The following OR4N2 variants were observed in gnomAD, a reference collection of about 807,000 sequenced individuals.
OR4N2 encodes olfactory receptor family 4 subfamily N member 2, also known as olfactory receptor 4N2.
For synonymous variants in OR4N2, 141 were observed against 140.4 expected, an observed-to-expected ratio of 1.00 and a Z score of -0.03; for missense variants, 307 against 377.6, an observed-to-expected ratio of 0.81 and a Z score of 1.55.
chr14:19,825,166 T>C lies in OR4N2; in HGVS notation c.-9-2274T>C, dbSNP rs189900473. Among the ~76,000 whole-genome samples the C allele has an allele frequency of 2.8e-3, 425 of 152,372 alleles. 1 individual carries two copies. Among genetic ancestry groups the C allele is most frequent in the African/African-American group, 9.7e-3 (403 of 41,574 alleles). On this transcript the variant is annotated intron_variant, in intron 1 of 1. Transcript: ENST00000557677. ...GTATGTATTTGTGTGCATACGTGTG[T>C]GTTCATGTGGTATTTGCATATGTAT...
chr14:19,821,594 C>A (rs74034590), intron 1 of OR4N2, among the ~76,000 whole-genome samples: 1,810 of 152,182 alleles, frequency 0.012, 22 homozygotes, highest in African/African-American at 0.042. Context: ...TCTCAAACTT[C>A]TATTTATTTC....
At position 19,828,227 on chromosome 14, in the gene OR4N2, G is replaced by A. The variant is rs756329406; in HGVS notation, c.779G>A (p.Arg260His). 2.0e-5 allele frequency: 32 copies of A among 1,614,058 alleles called. No individual in the cohort carries two copies. The highest frequency in any genetic ancestry group is 8.9e-5 in the East Asian group (4 of 44,902). ...GGACCTGGCATCTTCATCTACACGC[G>A]CCCCTTCAGGGCTTTCCCAGCTGAC... ...MFGPGIFIYT[R>H]PFRAFPADKV... Residue 260 changes from arginine (R) to histidine (H), a missense_variant, in exon 2 of 2, where the codon CGC becomes CAC. Transcript: ENST00000557677.
At chr14:19,822,504 T>G (rs1879591571) in intron 1 of OR4N2, 1 of 152,266 alleles carries the variant, frequency 6.6e-6, no homozygotes, top group South Asian at 2.1e-4. Flanking sequence ...CTTAGAATTT[T>G]GACAGAAAGT....
chr14:19,819,745 A>C (rs1879516820), intron 1 of OR4N2, among the ~76,000 whole-genome samples: 1 of 152,224 alleles, frequency 6.6e-6, no homozygotes, highest in African/African-American at 2.4e-5. Context: ...AGGAGTTGTG[A>C]TCCTTTGGAG....
chr14:19,828,003 C>T lies in OR4N2; in HGVS notation c.555C>T (p.Ile185=). 1 of 1,614,260 alleles carries T rather than the reference C, an allele frequency of 6.2e-7. No individual in the cohort carries two copies. Among genetic ancestry groups the T allele is most frequent in the Non-Finnish European group, 8.5e-7 (1 of 1,180,044 alleles). ...DNFFCDVPQV[I]KLACTDTFVV... is the part of the protein sequence containing the mutation. The stretch of plus-strand genomic sequence containing the variant: ...TCTTCTGTGATGTCCCACAGGTCAT[C>T]AAGCTGGCCTGCACCGACACATTTG... The change falls in exon 2 of 2, where the codon ATC becomes ATT. Residue 185 remains isoleucine (I), a synonymous_variant. Transcript: ENST00000557677.
intron 1 of OR4N2, chr14:19,822,148 T>C (rs1403490234): frequency 6.6e-6 from 1 of 152,296 alleles, no homozygotes; most frequent in African/African-American, 2.4e-5. Context: ...AATTCAGCAG[T>C]GGGGCACTAT....
chr14:19,804,284 G>A (rs1289378201), intron 1 of OR4N2, among the ~76,000 whole-genome samples: 1 of 151,918 alleles, frequency 6.6e-6, no homozygotes, highest in African/African-American at 2.4e-5. Flanking sequence ...CTCTCGGTGT[G>A]ATGTTAGGAT....
rs1483804106 is a variant in OR4N2 at position 19,828,266 on chromosome 14, T to A, written c.818T>A (p.Leu273His). Residue 273 changes from leucine (L) to histidine (H), a missense_variant, in exon 2 of 2, where the codon CTC (leucine) becomes CAC (histidine). By Grantham distance (99) the Leu-to-His change is moderately conservative. Transcript: ENST00000557677. ...RAFPADKVVS[L>H]FHTVIFPLLN... ...TTCCCAGCTGACAAGGTGGTTTCTC[T>A]CTTCCACACAGTGATTTTTCCTTTG... 1.2e-6 allele frequency: 2 copies of A among 1,614,252 alleles called. No individual in the cohort carries two copies. Among genetic ancestry groups the A allele is most frequent in the Non-Finnish European group, 1.7e-6 (2 of 1,180,052 alleles).
At chr14:19,814,179 A>G (rs1197529523) in intron 1 of OR4N2, among the ~76,000 whole-genome samples, 2 of 152,264 alleles carry the variant, frequency 1.3e-5, no homozygotes, top group East Asian at 3.9e-4. Context: ...ATTTGTATTT[A>G]TTTTTTCTGA....
chr14:19,818,775 T>C (rs1879490466), intron 1 of OR4N2, among the ~76,000 whole-genome samples: 1 of 152,240 alleles, frequency 6.6e-6, no homozygotes, highest in African/African-American at 2.4e-5. Flanking sequence ...TCTTCATAGC[T>C]TCAATGGTCT....
intron 1 of OR4N2, among the ~76,000 whole-genome samples, chr14:19,808,211 A>G (rs1344354880): frequency 6.6e-6 from 1 of 152,230 alleles, no homozygotes; most frequent in Non-Finnish European, 1.5e-5. Context: ...CTTCTTCAAT[A>G]TAGGACTTGA....
intron 1 of OR4N2, among the ~76,000 whole-genome samples, chr14:19,805,945 C>T (rs1424774947): frequency 6.6e-6 from 1 of 152,130 alleles, no homozygotes; most frequent in African/African-American, 2.4e-5. Context: ...AAAATAAATT[C>T]CAACCAAGAA....
At chr14:19,814,274 AT>A (rs1277749840) in intron 1 of OR4N2, among the ~76,000 whole-genome samples, 1 of 152,256 alleles carries the variant, frequency 6.6e-6, no homozygotes, top group African/African-American at 2.4e-5. Flanking sequence ...AAGTGAACAA[AT>A]TACAAATACC....
intron 1 of OR4N2, among the ~76,000 whole-genome samples, chr14:19,810,554 T>C (rs1879270912): frequency 6.6e-6 from 1 of 152,208 alleles, no homozygotes; most frequent in African/African-American, 2.4e-5. Context: ...TTCAACACAG[T>C]ACTATTCTCA....
intron 1 of OR4N2, among the ~76,000 whole-genome samples, chr14:19,805,910 G>C (rs1879153671): frequency 1.3e-5 from 2 of 152,088 alleles, no homozygotes; most frequent in Non-Finnish European, 2.9e-5. Context: ...AAAAAATTGG[G>C]GGCCTATTTT....
intron 1 of OR4N2, among the ~76,000 whole-genome samples, chr14:19,813,353 C>G (rs940393381): frequency 6.6e-6 from 1 of 152,248 alleles, no homozygotes; most frequent in Admixed American, 6.5e-5. Context: ...GCTGTCACAG[C>G]CCAGGCAGTG....
Position 19,804,869 on chromosome 14 carries a change from G to A in OR4N2, c.-10+1025G>A, listed in dbSNP as rs1335463622. ...TCTAAGAACTTCCTTTATAAGTCTG[G>A]GTACTTCTGTGTTGGATGTATATAT... On this transcript the variant is annotated intron_variant, in intron 1 of 1. Coordinates refer to ENST00000557677, the MANE Select transcript of OR4N2 (RefSeq NM_001004723.3). Among the ~76,000 whole-genome samples, 17 of 152,250 alleles carry A rather than the reference G, an allele frequency of 1.1e-4. No individual in the cohort carries two copies. In the South Asian group the frequency reaches 3.5e-3, roughly 32 times the overall value.
rs1879813056 is a variant in OR4N2 at position 19,829,523 on chromosome 14, G to T, written c.*1151G>T. ...ACAGGTGACCAATGTTGTCAGGGAA[G>T]TTGTTCTTGCTACAATCTTAGCCAT... On this transcript the variant is annotated 3_prime_UTR_variant, in exon 2 of 2. Transcript: ENST00000557677. 1 of 151,894 alleles carries T rather than the reference G, an allele frequency of 6.6e-6. No homozygotes were observed. Among genetic ancestry groups the T allele is most frequent in the Admixed American group, 6.6e-5 (1 of 15,260 alleles). The allele number at this position is 151,894 out of a possible 1,614,324, so 9.4% of individuals were successfully genotyped here.
rs1879807684 is a variant in OR4N2, at chr14:19,829,308, T to C, written c.*936T>C. 6.6e-6 allele frequency: 1 copy of C among 152,274 alleles called. No individual in the cohort carries two copies. The highest frequency in any genetic ancestry group is 1.5e-5 in the Non-Finnish European group (1 of 68,048). 9.4% of individuals were successfully genotyped at this position (152,274 alleles called of 1,614,324 possible). On this transcript the variant is annotated 3_prime_UTR_variant, in exon 2 of 2. Coordinates refer to ENST00000557677, the MANE Select transcript of OR4N2 (RefSeq NM_001004723.3). ...ATGTTTGACCTTATTGCCAATTGATTTCACTCTAAGTTTAATAACAACAGT... is the reference window on the plus strand; with the variant it reads ...ATGTTTGACCTTATTGCCAATTGATCTCACTCTAAGTTTAATAACAACAGT...
Sources: gnomAD v4.1 joint callset for allele counts (sites outside exome capture counted in the v4.1 genomes callset) on GRCh38, gnomAD v4.1.1 for gene constraint, MANE v1.5 for transcripts, NCBI Gene and HGNC (gene_info 2026-07-23, HGNC 2026-07-21) for gene names.